Variants in SORCS1 observed in about 807,000 individuals in gnomAD.
SORCS1 encodes the protein sortilin related VPS10 domain containing receptor 1.
In SORCS1, 60 loss-of-function variants were observed where a neutral mutation model predicts 146.1. The ratio of observed to expected loss-of-function variants is 0.41; its 90% CI spans 0.33 to 0.51. The LOEUF (loss-of-function observed/expected upper bound fraction) is 0.51. Ranked by LOEUF, SORCS1 falls within the 20% of genes least tolerant of loss-of-function variation. SORCS1 has a pLI of 0.21. For synonymous variants in SORCS1, 637 were observed against 584.0 expected, an observed-to-expected ratio of 1.09 and a Z score of -1.31; for missense variants, 1,352 against 1,487.6, an observed-to-expected ratio of 0.91 and a Z score of 1.50.
chr10:106,706,580 C>A lies in SORCS1; in HGVS notation c.1198G>T (p.Ala400Ser), dbSNP rs1427154209. The change falls in exon 8 of 26, where the codon GCC becomes TCC. Residue 400 changes from alanine to serine, a missense_variant. Physicochemically the swap from Ala to Ser is moderately conservative, Grantham distance 99. Coordinates refer to ENST00000263054, the MANE Select transcript of SORCS1 (RefSeq NM_052918.5). ...YYVSYRRNAF[A>S]QMKLPKYALP... The stretch of plus-strand genomic sequence containing the variant: ...GCATATTTCGGAAGCTTCATTTGGG[C>A]AAATGCATTCCTTCGGTAGGACACG... 1 of 1,614,156 alleles carries A rather than the reference C, an allele frequency of 6.2e-7. No individual in the cohort carries two copies. The highest frequency in any genetic ancestry group is 8.5e-7 in the Non-Finnish European group (1 of 1,180,014).
intron 1 of SORCS1, among the ~76,000 whole-genome samples, chr10:107,161,836 T>A (rs564067950): frequency 2.2e-4 from 33 of 152,326 alleles, no homozygotes; most frequent in African/African-American, 7.7e-4. Flanking sequence ...TGTATGTATA[T>A]ACTTAAAAAA....
chr10:106,766,240 A>C (rs1859562983), intron 4 of SORCS1, among the ~76,000 whole-genome samples: 1 of 152,130 alleles, frequency 6.6e-6, no homozygotes, highest in Non-Finnish European at 1.5e-5. Context: ...TACTTCTTGA[A>C]AAGGCTGACA....
intron 2 of SORCS1, among the ~76,000 whole-genome samples, chr10:106,860,618 G>T (rs1304371963): frequency 6.6e-6 from 1 of 152,174 alleles, no homozygotes; most frequent in Admixed American, 6.5e-5. Flanking sequence ...GATGAACATG[G>T]CCTAGATTCA....
At chr10:106,686,360 A>G (rs1275565610) in intron 10 of SORCS1, among the ~76,000 whole-genome samples, 1 of 152,238 alleles carries the variant, frequency 6.6e-6, no homozygotes, top group Non-Finnish European at 1.5e-5. Flanking sequence ...AGCCATTTTT[A>G]ATGGTTCATT....
In SORCS1 at chr10:107,107,771, TGAC is replaced by T. The variant is rs1965406956; in HGVS notation, c.558+56195_558+56197del. Among the ~76,000 whole-genome samples the T allele has an allele frequency of 2.0e-5, 3 of 152,360 alleles. No individual in the cohort carries two copies. The South Asian group carries it at 6.2e-4, about 32-fold the overall frequency. On this transcript the variant is annotated intron_variant, in intron 1 of 25. Transcript: ENST00000263054. ...ATGGCAGACTTGGTGATCATGGTTC[TGAC>T]TGCAGACCTGGAAATGGCTTTATCC...
intron 2 of SORCS1, among the ~76,000 whole-genome samples, chr10:106,915,298 C>T (rs1472324633): frequency 6.6e-6 from 1 of 152,172 alleles, no homozygotes; most frequent in Non-Finnish European, 1.5e-5. Flanking sequence ...ATCCCCAAGC[C>T]CTATCATTTA....
intron 1 of SORCS1, among the ~76,000 whole-genome samples, chr10:107,036,947 T>C (rs573010352): frequency 6.6e-6 from 1 of 152,282 alleles, no homozygotes; most frequent in African/African-American, 2.4e-5. Flanking sequence ...ATCATTTATG[T>C]TTTAAATTAG....
chr10:107,174,185 G>T, the SORCS1 span, among the ~76,000 whole-genome samples: 2 of 152,018 alleles, frequency 1.3e-5, no homozygotes, highest in Non-Finnish European at 2.9e-5. Flanking sequence ...TTTCCAATAT[G>T]GAAATCCTGC....
At position 106,577,182 on chromosome 10, in the gene SORCS1, TTTTG is replaced by T. The variant is rs758566623; in HGVS notation, c.*234_*237del. 16 of 1,456,138 alleles carry T rather than the reference TTTTG, an allele frequency of 1.1e-5. No individual in the cohort carries two copies. In the East Asian group the frequency reaches 2.6e-4, roughly 24 times the overall value. 90.2% of individuals were successfully genotyped at this position (1,456,138 alleles called of 1,614,324 possible). A position where few individuals can be genotyped will look rare whatever the true frequency, so the allele number is the denominator to read the frequency against. ...TTGATTGTTTATATTTTATGTTTTG[TTTTG>T]TTTTTGTTTTTGTTTTTTTACTGGC... On this transcript the variant is annotated 3_prime_UTR_variant, in exon 26 of 26. Coordinates refer to ENST00000263054, the MANE Select transcript of SORCS1 (RefSeq NM_052918.5).
At chr10:106,832,181 CTTTTT>C (rs71025561) in intron 2 of SORCS1, among the ~76,000 whole-genome samples, 1 of 130,358 alleles carries the variant, frequency 7.7e-6, no homozygotes, top group Non-Finnish European at 1.6e-5. Context: ...TTTGTTTTCG[CTTTTT>C]TTTTTTTTTT....
At chr10:107,145,084 CATTTAT>C (rs1238925149) in intron 1 of SORCS1, among the ~76,000 whole-genome samples, 1 of 152,166 alleles carries the variant, frequency 6.6e-6, no homozygotes, top group East Asian at 1.9e-4. Flanking sequence ...GGTGTAAAAG[CATTTAT>C]ATTTCTCTGC....
chr10:107,106,609 C>G (rs923904738), intron 1 of SORCS1, among the ~76,000 whole-genome samples: 1 of 152,124 alleles, frequency 6.6e-6, no homozygotes, highest in Non-Finnish European at 1.5e-5. Context: ...TCACACTCAG[C>G]TCTCAGTATC....
rs142195185 is a variant in SORCS1, at chr10:106,790,693, G to A, written c.727-14001C>T. On this transcript the variant is annotated intron_variant, in intron 3 of 25. Transcript: ENST00000263054. ...GTTTATCCAAAACGACAGTCTATGG[G>A]ACTATTGGGTTGGTTTCAAATTCAG... Among the ~76,000 whole-genome samples, 4 of 152,298 alleles carry A rather than the reference G, an allele frequency of 2.6e-5. No homozygotes were observed. The East Asian group carries it at 7.7e-4, about 29-fold the overall frequency.
At chr10:106,644,478 T>C (rs192002156) in intron 18 of SORCS1, among the ~76,000 whole-genome samples, 1 of 152,198 alleles carries the variant, frequency 6.6e-6, no homozygotes, top group East Asian at 1.9e-4. Context: ...GCAATTCTCC[T>C]GCCTCAACCT....
chr10:107,123,487 A>T (rs1966521272), intron 1 of SORCS1, among the ~76,000 whole-genome samples: 1 of 152,230 alleles, frequency 6.6e-6, no homozygotes, highest in African/African-American at 2.4e-5. Context: ...AAATTAGCCC[A>T]GTACTTAGCA....
chr10:106,701,806 T>C (rs959887007), intron 8 of SORCS1, among the ~76,000 whole-genome samples: 1 of 152,232 alleles, frequency 6.6e-6, no homozygotes, highest in African/African-American at 2.4e-5. Context: ...AATTTCAATC[T>C]ACAAAATAGA....
chr10:106,937,355 T>G (rs1318043277), intron 2 of SORCS1, among the ~76,000 whole-genome samples: 2 of 151,684 alleles, frequency 1.3e-5, no homozygotes. Context: ...TTTTTTGTAT[T>G]TTTAGTAGGA....
At chr10:106,755,114 C>A (rs1858537319) in intron 5 of SORCS1, among the ~76,000 whole-genome samples, 1 of 152,220 alleles carries the variant, frequency 6.6e-6, no homozygotes, top group Non-Finnish European at 1.5e-5. Context: ...TGGCTTTTGG[C>A]AGGAGGTTTC....
At chr10:106,907,895 CA>C (rs11452551) in intron 2 of SORCS1, among the ~76,000 whole-genome samples, 2,301 of 136,284 alleles carry the variant, frequency 0.017, 31 homozygotes, top group African/African-American at 0.041. Flanking sequence ...CCACTGCACT[CA>C]AAAAAAAAAA....
Sources: gnomAD v4.1 joint callset for allele counts (sites outside exome capture counted in the v4.1 genomes callset) on GRCh38, gnomAD v4.1.1 for gene constraint, MANE v1.5 for transcripts, NCBI Gene and HGNC (gene_info 2026-07-23, HGNC 2026-07-21) for gene names.